The following SHCBP1L variants were observed in gnomAD, a reference collection of about 807,000 sequenced individuals.
SHCBP1L encodes the protein SHC binding and spindle associated 1 like, also known as testicular spindle-associated protein SHCBP1L.
In SHCBP1L, 67 loss-of-function variants were observed where a neutral mutation model predicts 62.5. The observed-to-expected ratio is 1.07, with a 90% CI of 0.88 to 1.31. The LOEUF (loss-of-function observed/expected upper bound fraction) is 1.31. Ranked by LOEUF, SHCBP1L falls within the 40% of genes most tolerant of loss-of-function variation. The pLI is 0.00. For missense variants in SHCBP1L, 823 were observed against 809.8 expected (o/e 1.02, Z -0.20); for synonymous variants, 284 against 289.4 (o/e 0.98, Z 0.19).
At chr1:182,931,247 AC>A (rs112960113) in intron 5 of SHCBP1L, among the ~76,000 whole-genome samples, 5 of 149,760 alleles carry the variant, frequency 3.3e-5, no homozygotes, top group Middle Eastern at 3.4e-3. Context: ...CCATTCATAC[AC>A]TTTTTTTTTT....
intron 6 of SHCBP1L, among the ~76,000 whole-genome samples, chr1:182,906,455 G>A (rs1307172893): frequency 6.9e-6 from 1 of 144,702 alleles, no homozygotes; most frequent in Non-Finnish European, 1.5e-5. Flanking sequence ...TTCCGAGATC[G>A]AATTTCACTC....
chr1:182,921,417 T>G (rs192447904), intron 6 of SHCBP1L, among the ~76,000 whole-genome samples: 2 of 152,308 alleles, frequency 1.3e-5, no homozygotes, highest in East Asian at 3.9e-4. Context: ...CATAGACCAT[T>G]CACACTATAA....
intron 6 of SHCBP1L, among the ~76,000 whole-genome samples, chr1:182,926,717 G>T (rs1275554001): frequency 6.6e-6 from 1 of 152,040 alleles, no homozygotes; most frequent in South Asian, 2.1e-4. Flanking sequence ...AGAGGATAAA[G>T]GCCTATGATA....
Position 182,904,316 on chromosome 1 carries a change from G to A in SHCBP1L, c.1451C>T (p.Thr484Met), listed in dbSNP as rs372701767. The A allele has an allele frequency of 1.7e-5, 28 of 1,613,984 alleles. No individual in the cohort carries two copies. The highest frequency in any genetic ancestry group is 8.3e-5 in the Admixed American group (5 of 59,998). ...CTCCACCACCACGATACCATCAACCGTCCCTTGTTGTATCAAAGATAGATG... is the reference window on the plus strand; with the variant it reads ...CTCCACCACCACGATACCATCAACCATCCCTTGTTGTATCAAAGATAGATG... ...LMHLSLIQQGTVDGIVVVESG... is the reference protein window; with the variant it reads ...LMHLSLIQQGMVDGIVVVESG... Residue 484 changes from threonine to methionine, a missense_variant, in exon 8 of 10, where the codon ACG becomes ATG. Transcript: ENST00000367547.
intron 5 of SHCBP1L, among the ~76,000 whole-genome samples, chr1:182,936,427 AC>A (rs1333388563): frequency 6.6e-6 from 1 of 150,774 alleles, no homozygotes; most frequent in Non-Finnish European, 1.5e-5. Flanking sequence ...GAGCCACCAC[AC>A]CCAGACCTGC....
At chr1:182,930,587 A>ATG (rs1316197696) in intron 5 of SHCBP1L, among the ~76,000 whole-genome samples, 1 of 129,344 alleles carries the variant, frequency 7.7e-6, no homozygotes, top group Non-Finnish European at 1.6e-5. Context: ...ATATATATAT[A>ATG]TATATATACA....
intron 6 of SHCBP1L, among the ~76,000 whole-genome samples, chr1:182,906,038 G>T (rs911935480): frequency 6.6e-6 from 1 of 151,736 alleles, no homozygotes. Flanking sequence ...GGATTCAAGC[G>T]ATTCTCTTGC....
chr1:182,901,745 G>A (rs1649844732), intron 9 of SHCBP1L, among the ~76,000 whole-genome samples: 1 of 152,104 alleles, frequency 6.6e-6, no homozygotes, highest in African/African-American at 2.4e-5. Flanking sequence ...AAACTACCAG[G>A]TGATGCCAAT....
At chr1:182,924,150 A>G (rs1258843116) in intron 6 of SHCBP1L, among the ~76,000 whole-genome samples, 1 of 152,168 alleles carries the variant, frequency 6.6e-6, no homozygotes, top group Non-Finnish European at 1.5e-5. Context: ...CCACACACAC[A>G]AAATAAAATA....
At chr1:182,912,527 ATT>A (rs34803527) in intron 6 of SHCBP1L, among the ~76,000 whole-genome samples, 1 of 144,312 alleles carries the variant, frequency 6.9e-6, no homozygotes, top group African/African-American at 2.5e-5. Context: ...TGTAATATCA[ATT>A]TTTTTTTTTT....
At chr1:182,952,155 CCAAAAA>C (rs1558007450) in intron 1 of SHCBP1L, among the ~76,000 whole-genome samples, 1 of 19,076 alleles carries the variant, frequency 5.2e-5, no homozygotes, top group African/African-American at 1.6e-4. Context: ...AACTCCGTCT[CCAAAAA>C]AAAAAAAAAA....
At chr1:182,942,438 G>C (rs1351930031) in intron 2 of SHCBP1L, 4 of 686,010 alleles carry the variant, frequency 5.8e-6, no homozygotes, top group African/African-American at 3.6e-5. Flanking sequence ...GGGTGCCTGC[G>C]GGCCGTGGCG....
intron 2 of SHCBP1L, chr1:182,942,001 A>T (rs961637756): frequency 3.2e-5 from 32 of 992,966 alleles, no homozygotes; most frequent in Non-Finnish European, 6.1e-6. Flanking sequence ...ATGTTTCTAG[A>T]GCTACTAAAA....
chr1:182,927,090 ATATATATATATATATATATATATACT>A (rs1650784930), intron 6 of SHCBP1L, among the ~76,000 whole-genome samples: 1 of 30,206 alleles, frequency 3.3e-5, no homozygotes, highest in African/African-American at 1.8e-4. Context: ...ATATATATAT[ATATATATATATATATATATATATACT>A]CTCTCTCTCT....
chr1:182,920,456 C>T (rs10911163), intron 6 of SHCBP1L, among the ~76,000 whole-genome samples: 6,075 of 152,214 alleles, frequency 0.04, 297 homozygotes, highest in African/African-American at 0.11. Flanking sequence ...AAAGGAACAT[C>T]GGCCCAAGCA....
intron 1 of SHCBP1L, chr1:182,951,920 C>T (rs1571363800): frequency 2.8e-6 from 1 of 355,462 alleles, no homozygotes; most frequent in Non-Finnish European, 5.7e-6. Context: ...TTTGGGAGGC[C>T]GAAGCGGGCA....
Position 182,952,759 on chromosome 1 carries a change from C to G in SHCBP1L, c.375G>C (p.Leu125=). The change falls in exon 1 of 10, where the codon CTG becomes CTC. Residue 125 remains leucine (L), a synonymous_variant. Transcript: ENST00000367547. ...RGMWRDEKVS[L]YCDEVLQDCK... is the part of the protein sequence containing the mutation. ...AGTCCTGCAGCACTTCGTCGCAATACAGCGACACCTTCTCGTCCCGCCACA... is the reference window on the plus strand; with the variant it reads ...AGTCCTGCAGCACTTCGTCGCAATAGAGCGACACCTTCTCGTCCCGCCACA... 6.2e-7 allele frequency: 1 copy of G among 1,611,878 alleles called. No homozygotes were observed. Among genetic ancestry groups the G allele is most frequent in the Non-Finnish European group, 8.5e-7 (1 of 1,179,178 alleles).
chr1:182,948,208 G>A (rs1258335252), intron 2 of SHCBP1L, among the ~76,000 whole-genome samples: 1 of 152,120 alleles, frequency 6.6e-6, no homozygotes, highest in Non-Finnish European at 1.5e-5. Context: ...ATGTTTCTAA[G>A]TTTTTTGTTT....
chr1:182,911,458 CA>C (rs1447471973), intron 6 of SHCBP1L, among the ~76,000 whole-genome samples: 3 of 151,336 alleles, frequency 2.0e-5, no homozygotes, highest in Non-Finnish European at 2.9e-5. Flanking sequence ...GCAAGACATA[CA>C]AAAAAAATAA....
Sources: gnomAD v4.1 joint callset for allele counts (sites outside exome capture counted in the v4.1 genomes callset) on GRCh38, gnomAD v4.1.1 for gene constraint, MANE v1.5 for transcripts, NCBI Gene and HGNC (gene_info 2026-07-23, HGNC 2026-07-21) for gene names.